The following ANK3 variants were observed in gnomAD, a reference collection of about 807,000 sequenced individuals.
ANK3 encodes the protein ankyrin-3.
ANK3 carries 57 observed loss-of-function variants against 370.9 expected under a neutral mutation model. The observed-to-expected ratio is 0.15, with a 90% CI of 0.12 to 0.19. ANK3 has a LOEUF of 0.19. Among genes scored for constraint, ANK3 ranks in the 10% least tolerant of loss-of-function variants. ANK3 has a pLI of 1.00. For missense variants in ANK3, 4,439 were observed against 5,302.1 expected, an observed-to-expected ratio of 0.84 and a Z score of 5.06; for synonymous variants, 1,929 against 1,946.3, an observed-to-expected ratio of 0.99 and a Z score of 0.23.
intron 7 of ANK3, among the ~76,000 whole-genome samples, chr10:60,242,412 G>T (rs902922172): frequency 2.6e-5 from 4 of 152,108 alleles, no homozygotes; most frequent in Non-Finnish European, 5.9e-5. Context: ...AAATAAAGAT[G>T]ACTTTTTACA....
chr10:60,689,421 G>A lies in ANK3; in HGVS notation c.57+43842C>T, dbSNP rs144886508. On this transcript the variant is annotated intron_variant, in intron 1 of 43. Coordinates refer to the ANK3 transcript ENST00000373827. ...CTCAAAAATAAATAGATAAATAAAG[G>A]GGTATTTATCAAATGAAATCACTTA... 1.1e-3 allele frequency among the ~76,000 whole-genome samples: 163 copies of A among 152,096 alleles called. 1 individual carries two copies. The highest frequency in any genetic ancestry group is 3.3e-3 in the African/African-American group (136 of 41,506).
intron 2 of ANK3, among the ~76,000 whole-genome samples, chr10:60,497,844 C>G (rs541755264): frequency 6.6e-6 from 1 of 152,198 alleles, no homozygotes; most frequent in South Asian, 2.1e-4. Context: ...TACAAAGCAC[C>G]GCACACTCAC....
intron 14 of ANK3, among the ~76,000 whole-genome samples, chr10:60,197,721 C>A (rs61157607): frequency 6.6e-6 from 1 of 152,114 alleles, no homozygotes; most frequent in Non-Finnish European, 1.5e-5. Flanking sequence ...TTGGAAGATG[C>A]GCCACAAGCC....
At chr10:60,707,073 T>A (rs2079631087) in intron 1 of ANK3, among the ~76,000 whole-genome samples, 1 of 152,164 alleles carries the variant, frequency 6.6e-6, no homozygotes, top group Admixed American at 6.5e-5. Context: ...GAGTTCATAA[T>A]CAATAATTAC....
intron 42 of ANK3, among the ~76,000 whole-genome samples, 191 bp downstream of exon 42, chr10:60,055,467 G>C (rs1469898514): frequency 6.6e-6 from 1 of 151,458 alleles, no homozygotes; most frequent in Admixed American, 6.6e-5. Flanking sequence ...ATTTTACTTG[G>C]AACTTTTTTT....
chr10:60,150,556 G>A (rs1325722128), intron 23 of ANK3, among the ~76,000 whole-genome samples: 2 of 152,220 alleles, frequency 1.3e-5, no homozygotes, highest in East Asian at 3.9e-4. Context: ...GTTGGAGGTA[G>A]GGCCTTGTGG....
intron 2 of ANK3, among the ~76,000 whole-genome samples, chr10:60,465,829 A>G (rs2065000322): frequency 7.0e-6 from 1 of 143,338 alleles, no homozygotes; most frequent in African/African-American, 2.6e-5. Context: ...ACTTAGGATG[A>G]AGAGTTAGGG....
intron 1 of ANK3, among the ~76,000 whole-genome samples, chr10:60,655,284 T>G (rs1350098021): frequency 6.6e-6 from 1 of 151,678 alleles, no homozygotes; most frequent in African/African-American, 2.4e-5. Flanking sequence ...AAGGCACTGT[T>G]ATCACTGGAG....
At chr10:60,636,492 A>G (rs1379965331) in intron 1 of ANK3, among the ~76,000 whole-genome samples, 1 of 152,180 alleles carries the variant, frequency 6.6e-6, no homozygotes, top group Non-Finnish European at 1.5e-5. Context: ...CAAAATACCT[A>G]TGATTTGCTT....
chr10:60,125,442 A>C (rs1285237933), intron 25 of ANK3, among the ~76,000 whole-genome samples: 2 of 152,210 alleles, frequency 1.3e-5, no homozygotes, highest in African/African-American at 4.8e-5. Flanking sequence ...CTTGCTGACC[A>C]ATTGTTGAGA....
intron 42 of ANK3, among the ~76,000 whole-genome samples, chr10:60,049,678 TAATA>T (rs982779668): frequency 3.3e-5 from 5 of 152,208 alleles, no homozygotes; most frequent in African/African-American, 7.2e-5. Context: ...CCTAAGTTCT[TAATA>T]AATATGTTAA....
At chr10:60,169,366 T>TTGTTTG (rs554286139) in intron 21 of ANK3, among the ~76,000 whole-genome samples, 9 of 106,908 alleles carry the variant, frequency 8.4e-5, no homozygotes, top group African/African-American at 3.2e-4. Flanking sequence ...GTCTCATAGT[T>TTGTTTG]TTTTTTTTTT....
intron 2 of ANK3, among the ~76,000 whole-genome samples, chr10:60,427,285 G>A (rs1321228376): frequency 6.6e-6 from 1 of 152,136 alleles, no homozygotes; most frequent in African/African-American, 2.4e-5. Flanking sequence ...CTGAGAGAAA[G>A]AGAAAGGGAG....
chr10:60,271,001 A>G (rs1308973808), intron 4 of ANK3, among the ~76,000 whole-genome samples: 4 of 151,984 alleles, frequency 2.6e-5, no homozygotes, highest in Non-Finnish European at 4.4e-5. Context: ...ATGTGCATCA[A>G]CTCTCAAAGA....
At chr10:60,589,408 ATATT>A in intron 2 of ANK3, among the ~76,000 whole-genome samples, 1 of 152,324 alleles carries the variant, frequency 6.6e-6, no homozygotes, top group South Asian at 2.1e-4. Context: ...TGCCTAGTAA[ATATT>A]TATGCATCTT....
chr10:60,551,025 T>C (rs917874029), intron 2 of ANK3, among the ~76,000 whole-genome samples: 12 of 152,088 alleles, frequency 7.9e-5, no homozygotes, highest in African/African-American at 2.9e-4. Context: ...GTTAAACATA[T>C]CCTATGTCTT....
chr10:60,327,051 G>A (rs2050080515), intron 1 of ANK3, among the ~76,000 whole-genome samples: 1 of 151,140 alleles, frequency 6.6e-6, no homozygotes, highest in Non-Finnish European at 1.5e-5. Flanking sequence ...GCAGGGACTG[G>A]CCTCATAAAG....
At chr10:60,308,133 G>A (rs1234256609) in intron 1 of ANK3, among the ~76,000 whole-genome samples, 2 of 152,188 alleles carry the variant, frequency 1.3e-5, no homozygotes, top group Non-Finnish European at 2.9e-5. Flanking sequence ...CTTTTAAGCA[G>A]CCAATTAATC....
At position 60,469,035 on chromosome 10, in the gene ANK3, A is replaced by G. The variant is rs1219882264; in HGVS notation, c.96+146151T>C. Among the ~76,000 whole-genome samples, 54 of 25,280 alleles carry G rather than the reference A, an allele frequency of 2.1e-3. 2 individuals carry two copies. The highest frequency in any genetic ancestry group is 9.0e-3 in the African/African-American group (49 of 5,448). The allele number at this position is 25,280 out of a possible 152,430, so 16.6% of individuals were successfully genotyped here. On this transcript the variant is annotated intron_variant, in intron 2 of 43. Transcript: ENST00000373827. ...TATATATATACCACTTTTAGTGTAT[A>G]TATATATATATATATATATACCACT...
Sources: gnomAD v4.1 joint callset for allele counts (sites outside exome capture counted in the v4.1 genomes callset) on GRCh38, gnomAD v4.1.1 for gene constraint, MANE v1.5 for transcripts, NCBI Gene and HGNC (gene_info 2026-07-23, HGNC 2026-07-21) for gene names.